LARGE1: variants seen among roughly 807,000 people sequenced by gnomAD.
LARGE1 encodes the protein xylosyl- and glucuronyltransferase LARGE1.
LARGE1 carries 43 observed loss-of-function variants against 87.6 expected under a neutral mutation model. That is an observed-to-expected ratio of 0.49 (90% CI 0.38 to 0.63). The LOEUF is 0.63. Among genes scored for constraint, LARGE1 ranks in the 30% least tolerant of loss-of-function variants. LARGE1 has a pLI of 0.00. For synonymous variants in LARGE1, 434 were observed against 394.6 expected, an observed-to-expected ratio of 1.10 and a Z score of -1.18; for missense variants, 802 against 1,000.2, an observed-to-expected ratio of 0.80 and a Z score of 2.67.
intron 11 of LARGE1, among the ~76,000 whole-genome samples, chr22:33,244,236 C>T (rs1187653602): frequency 6.6e-6 from 1 of 151,896 alleles, no homozygotes; most frequent in Admixed American, 6.6e-5. Flanking sequence ...ACCTCGTGAT[C>T]CGCCCACTTC....
chr22:33,799,447 CT>C (rs202058120), intron 1 of LARGE1, among the ~76,000 whole-genome samples: 25 of 128,852 alleles, frequency 1.9e-4, no homozygotes, highest in African/African-American at 6.2e-4. Flanking sequence ...TAAGAAACTT[CT>C]TTTTTTTTTG....
intron 2 of LARGE1, among the ~76,000 whole-genome samples, chr22:33,674,015 G>T (rs879338813): frequency 6.6e-6 from 1 of 151,722 alleles, no homozygotes; most frequent in Non-Finnish European, 1.5e-5. Flanking sequence ...TGCCATGTTG[G>T]CCAGGCTGGT....
intron 9 of LARGE1, among the ~76,000 whole-genome samples, chr22:33,358,723 G>A (rs900354192): frequency 1.3e-5 from 2 of 152,012 alleles, no homozygotes; most frequent in African/African-American, 4.8e-5. Flanking sequence ...TCCTGGCCGG[G>A]TGCAGTGGCT....
At chr22:33,135,165 A>G in the LARGE1 span, among the ~76,000 whole-genome samples, 1 of 152,230 alleles carries the variant, frequency 6.6e-6, no homozygotes, top group African/African-American at 2.4e-5. Flanking sequence ...ACAGGCCTGC[A>G]GAAGTCATTT....
At chr22:33,887,144 G>A (rs1259351075) in intron 1 of LARGE1, among the ~76,000 whole-genome samples, 1 of 152,148 alleles carries the variant, frequency 6.6e-6, no homozygotes, top group Non-Finnish European at 1.5e-5. Flanking sequence ...GTTCTGCTGT[G>A]GTCTGAATAT....
At chr22:33,359,560 C>CTTTTTTTTTTTTT (rs539990533) in intron 9 of LARGE1, among the ~76,000 whole-genome samples, 2 of 119,234 alleles carry the variant, frequency 1.7e-5, no homozygotes, top group African/African-American at 6.2e-5. Flanking sequence ...GCAGACTCAT[C>CTTTTTTTTTTTTT]TTTTTTTTTT....
intron 1 of LARGE1, among the ~76,000 whole-genome samples, chr22:33,785,029 ATATACATATATGTG>A (rs1341977374): frequency 6.7e-6 from 1 of 150,220 alleles, no homozygotes; most frequent in Non-Finnish European, 1.5e-5. Flanking sequence ...ACATATGTGT[ATATACATATATGTG>A]TATACATACA....
chr22:33,738,534 A>T (rs2083744176), intron 2 of LARGE1, among the ~76,000 whole-genome samples: 2 of 152,188 alleles, frequency 1.3e-5, no homozygotes, highest in African/African-American at 4.8e-5. Context: ...AGCACGAAGC[A>T]TCCCTCAGCC....
chr22:33,706,041 G>A (rs1434297060), intron 2 of LARGE1, among the ~76,000 whole-genome samples: 1 of 152,184 alleles, frequency 6.6e-6, no homozygotes, highest in African/African-American at 2.4e-5. Context: ...TTTGAACACA[G>A]GGCTGGCTCC....
intron 11 of LARGE1, among the ~76,000 whole-genome samples, chr22:33,305,838 C>CTTTTTTTT (rs200366425): frequency 1.3e-4 from 16 of 126,480 alleles, no homozygotes; most frequent in African/African-American, 4.2e-4. Flanking sequence ...ATTTCTTTTT[C>CTTTTTTTT]TTTTTCTTTT....
At chr22:33,738,958 C>T (rs2149508577) in intron 2 of LARGE1, among the ~76,000 whole-genome samples, 1 of 149,774 alleles carries the variant, frequency 6.7e-6, no homozygotes, top group Middle Eastern at 3.4e-3. Flanking sequence ...CCAGTTTGGA[C>T]AAGACATTAT....
chr22:33,275,123 C>A (rs1036125330), intron 14 of LARGE1, among the ~76,000 whole-genome samples: 17 of 152,104 alleles, frequency 1.1e-4, no homozygotes, highest in African/African-American at 3.9e-4. Context: ...AATGAGAGAC[C>A]AGATGAAATA....
chr22:33,663,013 T>C (rs964387497), intron 2 of LARGE1, among the ~76,000 whole-genome samples: 4 of 152,152 alleles, frequency 2.6e-5, no homozygotes, highest in Middle Eastern at 3.4e-3. Context: ...TTCCAACAAG[T>C]ATCTATATTA....
At chr22:33,357,791 G>T (rs1187113075) in intron 9 of LARGE1, among the ~76,000 whole-genome samples, 1 of 151,572 alleles carries the variant, frequency 6.6e-6, no homozygotes, top group South Asian at 2.1e-4. Context: ...TGAAACTGTC[G>T]CAAAAAAGAA....
At chr22:33,189,085 C>A (rs1363199030) in intron 11 of LARGE1, among the ~76,000 whole-genome samples, 1 of 152,060 alleles carries the variant, frequency 6.6e-6, no homozygotes, top group African/African-American at 2.4e-5. Flanking sequence ...AGTCAGGCAA[C>A]CCCCATATTG....
At chr22:33,679,791 G>A (rs1014307700) in intron 2 of LARGE1, among the ~76,000 whole-genome samples, 11 of 151,966 alleles carry the variant, frequency 7.2e-5, no homozygotes, top group African/African-American at 1.9e-4. Flanking sequence ...GCAGTGAGCC[G>A]AGATCGTGCC....
the LARGE1 span, among the ~76,000 whole-genome samples, chr22:33,093,504 C>T: frequency 3.9e-5 from 6 of 152,074 alleles, no homozygotes; most frequent in Admixed American, 6.6e-5. Flanking sequence ...TTTCAGTAAA[C>T]GTAAATGGAC....
intron 11 of LARGE1, among the ~76,000 whole-genome samples, chr22:33,178,748 T>C (rs1923009091): frequency 6.6e-6 from 1 of 152,186 alleles, no homozygotes; most frequent in African/African-American, 2.4e-5. Flanking sequence ...AATTTAGTAC[T>C]AATGCTGAAA....
At chr22:33,873,473 C>T (rs1569003736) in intron 1 of LARGE1, 3 of 152,396 alleles carry the variant, frequency 2.0e-5, no homozygotes, top group East Asian at 3.9e-4. Context: ...CTGGGGCCTT[C>T]CGGGAAGCTG....
Sources: allele counts gnomAD v4.1 joint callset (sites outside exome capture counted in the v4.1 genomes callset), GRCh38; gene constraint gnomAD v4.1.1; transcripts MANE v1.5; gene names NCBI Gene and HGNC (gene_info 2026-07-23, HGNC 2026-07-21).